The following ESRRG variants were observed in gnomAD, a reference collection of about 807,000 sequenced individuals.
The protein encoded by ESRRG is estrogen-related receptor gamma.
Under a neutral mutation model 44.0 loss-of-function variants are expected in ESRRG, and 13 were observed. That is an observed-to-expected ratio of 0.30 (90% CI 0.19 to 0.47). ESRRG has a LOEUF of 0.47. ESRRG is among the 20% of genes least tolerant of loss of function. The probability of loss-of-function intolerance (pLI) is 1.00; values close to 1 mark genes in which losing one functional copy is unlikely to be tolerated. For missense variants in ESRRG, 395 were observed against 580.6 expected, an observed-to-expected ratio of 0.68 and a Z score of 3.29; for synonymous variants, 215 against 214.6, an observed-to-expected ratio of 1.00 and a Z score of -0.02.
At chr1:216,859,003 T>C (rs528687708) in intron 2 of ESRRG, among the ~76,000 whole-genome samples, 17 of 152,326 alleles carry the variant, frequency 1.1e-4, no homozygotes, top group Admixed American at 9.8e-4. Context: ...AATAAGTCCA[T>C]GTATAATGTT....
chr1:216,963,850 C>A (rs1324258181), intron 1 of ESRRG, among the ~76,000 whole-genome samples: 1 of 152,032 alleles, frequency 6.6e-6, no homozygotes, highest in African/African-American at 2.4e-5. Context: ...GAGAGTCAGC[C>A]ATTACTCAAA....
chr1:216,910,582 G>A (rs1169441700), intron 2 of ESRRG, among the ~76,000 whole-genome samples: 10 of 152,108 alleles, frequency 6.6e-5, no homozygotes, highest in Admixed American at 4.6e-4. Context: ...CTGGACAGAG[G>A]ATAAAAATTT....
intron 2 of ESRRG, among the ~76,000 whole-genome samples, chr1:216,786,825 C>T (rs961879225): frequency 1.1e-4 from 17 of 152,090 alleles, no homozygotes; most frequent in African/African-American, 4.1e-4. Context: ...GAAATACACA[C>T]TAAGTGTCTA....
At chr1:216,632,811 AAAGT>A (rs2150731437) in intron 3 of ESRRG, among the ~76,000 whole-genome samples, 1 of 152,320 alleles carries the variant, frequency 6.6e-6, no homozygotes, top group African/African-American at 2.4e-5. Flanking sequence ...TGCCCGAAAG[AAAGT>A]AACTCATTGA....
chr1:216,899,504 T>A (rs1047215624), intron 2 of ESRRG, among the ~76,000 whole-genome samples: 2 of 152,170 alleles, frequency 1.3e-5, no homozygotes, highest in Non-Finnish European at 2.9e-5. Context: ...TTCATTTATG[T>A]TTTGCAATCC....
At chr1:216,535,431 G>A (rs998543625) in intron 5 of ESRRG, among the ~76,000 whole-genome samples, 3 of 152,036 alleles carry the variant, frequency 2.0e-5, no homozygotes, top group African/African-American at 7.2e-5. Context: ...CCCGAATCAA[G>A]GCTGAGTGTA....
intron 3 of ESRRG, among the ~76,000 whole-genome samples, chr1:216,645,192 AT>A (rs1251877370): frequency 1.3e-5 from 2 of 152,196 alleles, no homozygotes; most frequent in Non-Finnish European, 2.9e-5. Flanking sequence ...TTTGAAAAAA[AT>A]AACATATTTC....
chr1:216,895,249 G>A (rs544797542), intron 2 of ESRRG, among the ~76,000 whole-genome samples: 2 of 152,268 alleles, frequency 1.3e-5, no homozygotes, highest in South Asian at 4.1e-4. Flanking sequence ...TTTCATGTGT[G>A]AGGAAAATTA....
chr1:217,128,510 T>A (rs553350725), intron 1 of ESRRG, among the ~76,000 whole-genome samples: 12 of 152,198 alleles, frequency 7.9e-5, no homozygotes, highest in Non-Finnish European at 1.6e-4. Flanking sequence ...TGGTTATTGT[T>A]GGTTTAAGGC....
intron 5 of ESRRG, among the ~76,000 whole-genome samples, chr1:216,562,098 CA>C (rs2058860518): frequency 6.6e-6 from 1 of 152,106 alleles, no homozygotes; most frequent in African/African-American, 2.4e-5. Context: ...CTAGAAAGTT[CA>C]AAAGAAATTG....
At chr1:216,710,203 G>A (rs1275391460) in intron 1 of ESRRG, among the ~76,000 whole-genome samples, 2 of 152,162 alleles carry the variant, frequency 1.3e-5, no homozygotes, top group Non-Finnish European at 2.9e-5. Context: ...CTTCGGTTCA[G>A]TGTTAATCCT....
At chr1:216,751,151 T>C (rs901584937) in intron 2 of ESRRG, among the ~76,000 whole-genome samples, 1 of 152,140 alleles carries the variant, frequency 6.6e-6, no homozygotes, top group Non-Finnish European at 1.5e-5. Context: ...AGTGGATGGG[T>C]TATTCTTAGT....
intron 2 of ESRRG, among the ~76,000 whole-genome samples, chr1:216,888,504 T>C (rs969990612): frequency 6.6e-6 from 1 of 151,688 alleles, no homozygotes; most frequent in African/African-American, 2.4e-5. Context: ...TGTTAAAATC[T>C]TTTTTTTTAA....
chr1:216,947,842 C>G (rs1392153723), intron 1 of ESRRG, among the ~76,000 whole-genome samples: 1 of 152,158 alleles, frequency 6.6e-6, no homozygotes, highest in African/African-American at 2.4e-5. Flanking sequence ...TATATAAGGT[C>G]ATGAGATGAG....
At chr1:217,085,814 C>T (rs2092056039) in intron 1 of ESRRG, among the ~76,000 whole-genome samples, 2 of 151,948 alleles carry the variant, frequency 1.3e-5, no homozygotes, top group Admixed American at 6.6e-5. Flanking sequence ...TTAAACTCTC[C>T]TACAGCACCA....
chr1:217,103,694 G>T (rs983651728), intron 1 of ESRRG, among the ~76,000 whole-genome samples: 2 of 151,248 alleles, frequency 1.3e-5, no homozygotes, highest in Admixed American at 6.6e-5. Flanking sequence ...TTAATTAAAA[G>T]AATTTTTTAA....
At chr1:216,604,448 T>C (rs1468792681) in intron 3 of ESRRG, among the ~76,000 whole-genome samples, 1 of 152,138 alleles carries the variant, frequency 6.6e-6, no homozygotes, top group African/African-American at 2.4e-5. Flanking sequence ...GGGTCTTTAA[T>C]AGAGTGGCAC....
intron 5 of ESRRG, among the ~76,000 whole-genome samples, chr1:216,526,220 C>T (rs1368387251): frequency 1.3e-5 from 2 of 152,076 alleles, no homozygotes; most frequent in Non-Finnish European, 2.9e-5. Context: ...CTTGTGCCAT[C>T]CCACCCAAAA....
chr1:216,859,685 G>A (rs1395452099), intron 2 of ESRRG, among the ~76,000 whole-genome samples: 5 of 152,090 alleles, frequency 3.3e-5, no homozygotes, highest in Non-Finnish European at 7.4e-5. Flanking sequence ...CTCAAAAATG[G>A]TAAATAATTA....
Sources: allele counts gnomAD v4.1 joint callset (sites outside exome capture counted in the v4.1 genomes callset), GRCh38; gene constraint gnomAD v4.1.1; transcripts MANE v1.5; gene names NCBI Gene and HGNC (gene_info 2026-07-23, HGNC 2026-07-21).